The following CREB3L1 variants were observed in gnomAD, a reference collection of about 807,000 sequenced individuals.
CREB3L1 encodes cAMP responsive element binding protein 3 like 1, also known as cyclic AMP-responsive element-binding protein 3-like protein 1.
A neutral mutation model predicts 54.5 loss-of-function variants in CREB3L1; 33 were observed. The ratio of observed to expected loss-of-function variants is 0.61; its 90% CI spans 0.46 to 0.81. The LOEUF is 0.81. Ranked by LOEUF, CREB3L1 falls within the 30% of genes least tolerant of loss-of-function variation. The pLI is 0.00. For missense variants in CREB3L1, 656 were observed against 673.3 expected, an observed-to-expected ratio of 0.97 and a Z score of 0.29; for synonymous variants, 284 against 286.4, an observed-to-expected ratio of 0.99 and a Z score of 0.08.
chr11:46,301,016 A>C (rs1428086282), intron 2 of CREB3L1, among the ~76,000 whole-genome samples: 2 of 147,294 alleles, frequency 1.4e-5, no homozygotes, highest in African/African-American at 2.5e-5. Context: ...AAAAAAAAAA[A>C]AAAAAAAAAA....
intron 8 of CREB3L1, among the ~76,000 whole-genome samples, chr11:46,313,678 A>C (rs900343692): frequency 4.7e-5 from 7 of 148,022 alleles, no homozygotes; most frequent in African/African-American, 1.7e-4. Flanking sequence ...ACTCTGTCTC[A>C]AAAAAAAAAA....
chr11:46,289,690 G>T (rs1193767944), intron 1 of CREB3L1, among the ~76,000 whole-genome samples: 4 of 152,196 alleles, frequency 2.6e-5, no homozygotes, highest in African/African-American at 9.7e-5. Flanking sequence ...CAGCCATGGG[G>T]ACCACAGCAG....
At chr11:46,314,853 G>A (rs1268385174) in intron 8 of CREB3L1, among the ~76,000 whole-genome samples, 9 of 151,474 alleles carry the variant, frequency 5.9e-5, no homozygotes, top group African/African-American at 1.9e-4. Context: ...GATTACAGAC[G>A]TGTACCACCA....
intron 1 of CREB3L1, among the ~76,000 whole-genome samples, chr11:46,294,834 G>A (rs1186504388): frequency 2.0e-5 from 3 of 151,876 alleles, no homozygotes; most frequent in Non-Finnish European, 4.4e-5. Flanking sequence ...GGAATGCATG[G>A]GTCAGTGTGT....
chr11:46,290,476 C>A (rs1939113870), intron 1 of CREB3L1, among the ~76,000 whole-genome samples: 1 of 151,888 alleles, frequency 6.6e-6, no homozygotes, highest in Non-Finnish European at 1.5e-5. Context: ...CTCTGCCGCC[C>A]CAAGGCCTTC....
chr11:46,308,539 C>A (rs186053890), intron 3 of CREB3L1, among the ~76,000 whole-genome samples: 1 of 152,220 alleles, frequency 6.6e-6, no homozygotes, highest in Non-Finnish European at 1.5e-5. Context: ...AACCCCAGAC[C>A]CCTGGCTCCT....
At chr11:46,292,204 G>A (rs867074094) in intron 1 of CREB3L1, among the ~76,000 whole-genome samples, 3 of 152,184 alleles carry the variant, frequency 2.0e-5, no homozygotes, top group African/African-American at 4.8e-5. Context: ...TGGGTACAGC[G>A]GCCCCACTAG....
At chr11:46,287,043 C>A (rs577158558) in intron 1 of CREB3L1, among the ~76,000 whole-genome samples, 118 of 152,262 alleles carry the variant, frequency 7.7e-4, no homozygotes, top group African/African-American at 2.7e-3. Flanking sequence ...GATGATGAGG[C>A]AAGTGCTGGG....
intron 1 of CREB3L1, 48 bp from the exon 2 acceptor site, chr11:46,299,887 C>T (rs1311437420): frequency 3.4e-6 from 5 of 1,463,690 alleles, no homozygotes; most frequent in Non-Finnish European, 3.8e-6. Context: ...GCACCCCCTT[C>T]CCAAGCAAAG....
chr11:46,289,324 A>C (rs1939100912), intron 1 of CREB3L1, among the ~76,000 whole-genome samples: 1 of 152,184 alleles, frequency 6.6e-6, no homozygotes, highest in South Asian at 2.1e-4. Context: ...GGTTGCAGTG[A>C]CCCAAGATGG....
intron 1 of CREB3L1, among the ~76,000 whole-genome samples, chr11:46,280,746 G>A (rs1450600257): frequency 6.6e-6 from 1 of 152,078 alleles, no homozygotes; most frequent in African/African-American, 2.4e-5. Context: ...CTCCATATCC[G>A]AGGTTCTTTC....
chr11:46,286,141 G>A (rs146787440), intron 1 of CREB3L1, among the ~76,000 whole-genome samples: 237 of 152,294 alleles, frequency 1.6e-3, no homozygotes, highest in African/African-American at 5.2e-3. Flanking sequence ...CTATTCCCTA[G>A]GTACAGCTAT....
intron 8 of CREB3L1, among the ~76,000 whole-genome samples, chr11:46,313,555 G>A (rs1411092550): frequency 6.6e-6 from 1 of 152,030 alleles, no homozygotes; most frequent in African/African-American, 2.4e-5. Flanking sequence ...GCGTGGTGGT[G>A]GGCGCCTGTA....
chr11:46,284,497 C>CA (rs536418552), intron 1 of CREB3L1, among the ~76,000 whole-genome samples: 82 of 151,310 alleles, frequency 5.4e-4, no homozygotes, highest in African/African-American at 1.9e-3. Flanking sequence ...CTAAAAATAC[C>CA]AAAAAAATTA....
intron 5 of CREB3L1, among the ~76,000 whole-genome samples, chr11:46,311,916 G>A (rs1939492574): frequency 6.6e-6 from 1 of 152,210 alleles, no homozygotes; most frequent in Non-Finnish European, 1.5e-5. Context: ...GGAGCGCTGT[G>A]TGAGGGGAAG....
chr11:46,296,473 G>A (rs905215347), intron 1 of CREB3L1, among the ~76,000 whole-genome samples: 5 of 152,062 alleles, frequency 3.3e-5, no homozygotes, highest in African/African-American at 1.2e-4. Flanking sequence ...GAAATAGGAG[G>A]GGGGGAACGA....
In CREB3L1 at chr11:46,278,281, T is replaced by C. The variant is rs1034989533; in HGVS notation, c.102+68T>C. On this transcript the variant is annotated intron_variant, in intron 1 of 11. Coordinates refer to ENST00000621158, the MANE Select transcript of CREB3L1 (RefSeq NM_052854.4). The surrounding 1 kb of genome is among the most constrained non-coding windows in gnomAD (Gnocchi z 4.2). ...CGTCCTCGCGGCGCGCCTGGGCCCC[T>C]AGAAGGACCCGACTACACATCACTG... 6 of 1,003,110 alleles carry C rather than the reference T, an allele frequency of 6.0e-6. No individual in the cohort carries two copies. The African/African-American group carries it at 9.8e-5, about 16-fold the overall frequency. 62.1% of individuals were successfully genotyped at this position (1,003,110 alleles called of 1,614,324 possible). A position where few individuals can be genotyped will look rare whatever the true frequency, so the allele number is the denominator to read the frequency against.
chr11:46,300,897 T>C (rs551629496), intron 2 of CREB3L1, among the ~76,000 whole-genome samples: 63 of 145,664 alleles, frequency 4.3e-4, no homozygotes, highest in Non-Finnish European at 8.2e-4. Flanking sequence ...CCCAGCTACT[T>C]GGGAAGCTGA....
At chr11:46,292,222 C>T (rs1343485149) in intron 1 of CREB3L1, among the ~76,000 whole-genome samples, 1 of 152,176 alleles carries the variant, frequency 6.6e-6, no homozygotes, top group Non-Finnish European at 1.5e-5. Context: ...TAGGGAGGAG[C>T]CGAGGGAAGG....
Sources: gnomAD v4.1 joint callset for allele counts (sites outside exome capture counted in the v4.1 genomes callset) on GRCh38, gnomAD v4.1.1 for gene constraint, Gnocchi (gnomAD v3.1) non-coding constraint, MANE v1.5 for transcripts, NCBI Gene and HGNC (gene_info 2026-07-23, HGNC 2026-07-21) for gene names.